PITPNC1: variants seen among roughly 807,000 people sequenced by gnomAD.
PITPNC1 encodes phosphatidylinositol transfer protein cytoplasmic 1.
Under a neutral mutation model 44.7 loss-of-function variants are expected in PITPNC1, and 18 were observed. The observed-to-expected ratio is 0.40, with a 90% CI of 0.28 to 0.60. The LOEUF is 0.60. Among genes scored for constraint, PITPNC1 ranks in the 20% least tolerant of loss-of-function variants. The probability of loss-of-function intolerance (pLI) is 0.39; values close to 1 mark genes in which losing one functional copy is unlikely to be tolerated. For missense variants in PITPNC1, 290 were observed against 418.4 expected (o/e 0.69, Z 2.68); for synonymous variants, 141 against 149.6 (o/e 0.94, Z 0.42).
intron 1 of PITPNC1, among the ~76,000 whole-genome samples, chr17:67,450,265 CAATT>C (rs2039156495): frequency 1.3e-5 from 2 of 151,898 alleles, no homozygotes; most frequent in African/African-American, 4.8e-5. Flanking sequence ...CAATTGCTAT[CAATT>C]AGAGACAGTT....
At chr17:67,447,365 C>G in intron 1 of PITPNC1, among the ~76,000 whole-genome samples, 1 of 151,858 alleles carries the variant, frequency 6.6e-6, no homozygotes, top group Non-Finnish European at 1.5e-5. Flanking sequence ...CAGTGGTTCT[C>G]CTGTCCAGCC....
intron 8 of PITPNC1, among the ~76,000 whole-genome samples, chr17:67,684,690 C>G (rs993950485): frequency 6.6e-6 from 1 of 152,012 alleles, no homozygotes; most frequent in African/African-American, 2.4e-5. Flanking sequence ...GGATATCTCT[C>G]TAGGATTAAC....
rs1244869129 is a variant in PITPNC1, at chr17:67,631,671, T to TAA, written c.367-469_367-468dup. Among the ~76,000 whole-genome samples the TAA allele has an allele frequency of 9.8e-4, 68 of 69,642 alleles. 1 individual carries two copies. Among genetic ancestry groups the TAA allele is most frequent in the Middle Eastern group, 7.1e-3 (1 of 140 alleles). 45.7% of individuals were successfully genotyped at this position (69,642 alleles called of 152,430 possible). On this transcript the variant is annotated intron_variant, in intron 5 of 8. Transcript: ENST00000581322. ...AAAAAAAAAAAAATATATATATATA[T>TAA]AAAATATATATTTTTAACATATATA... is the stretch of plus-strand genomic sequence containing the variant.
intron 1 of PITPNC1, among the ~76,000 whole-genome samples, chr17:67,443,926 C>T (rs1036614517): frequency 2.0e-5 from 3 of 152,010 alleles, no homozygotes; most frequent in Non-Finnish European, 4.4e-5. Flanking sequence ...TGAGTCACTG[C>T]GCCCGGCCGA....
At chr17:67,494,632 GT>G (rs1315922487) in intron 1 of PITPNC1, among the ~76,000 whole-genome samples, 4 of 152,216 alleles carry the variant, frequency 2.6e-5, no homozygotes, top group African/African-American at 9.6e-5. Context: ...GATAGTACAG[GT>G]CCCAGAGTGC....
At chr17:67,447,948 C>T (rs1215572550) in intron 1 of PITPNC1, among the ~76,000 whole-genome samples, 1 of 151,152 alleles carries the variant, frequency 6.6e-6, no homozygotes, top group Non-Finnish European at 1.5e-5. Flanking sequence ...TTCCTTCCTT[C>T]CTTCTTTCTT....
At chr17:67,407,175 A>T (rs1043829864) in intron 1 of PITPNC1, among the ~76,000 whole-genome samples, 1 of 152,128 alleles carries the variant, frequency 6.6e-6, no homozygotes, top group Non-Finnish European at 1.5e-5. Flanking sequence ...CCAGCACTGT[A>T]CTTTCTGTCT....
intron 1 of PITPNC1, among the ~76,000 whole-genome samples, chr17:67,506,121 A>G (rs2040098025): frequency 6.6e-6 from 1 of 151,996 alleles, no homozygotes; most frequent in South Asian, 2.1e-4. Flanking sequence ...GGCTGGCGAG[A>G]TATTACCTAG....
intron 5 of PITPNC1, among the ~76,000 whole-genome samples, chr17:67,599,034 A>ATATATATATATATATATATT (rs1461493250): frequency 8.4e-5 from 3 of 35,676 alleles, no homozygotes; most frequent in Admixed American, 3.9e-4. Flanking sequence ...ATATATATAT[A>ATATATATATATATATATATT]TTTTTTTTTT....
intron 1 of PITPNC1, among the ~76,000 whole-genome samples, chr17:67,429,790 T>C (rs540854363): frequency 1.3e-5 from 2 of 152,344 alleles, no homozygotes; most frequent in South Asian, 4.1e-4. Context: ...AATTTTATGA[T>C]TTGAGAGAAT....
chr17:67,513,241 G>A (rs372137821), intron 1 of PITPNC1, among the ~76,000 whole-genome samples: 1 of 151,760 alleles, frequency 6.6e-6, no homozygotes, highest in Non-Finnish European at 1.5e-5. Context: ...GCGGGCGACT[G>A]TAATCCCAGC....
At chr17:67,558,934 A>G (rs1182084122) in intron 4 of PITPNC1, among the ~76,000 whole-genome samples, 1 of 152,204 alleles carries the variant, frequency 6.6e-6, no homozygotes, top group African/African-American at 2.4e-5. Flanking sequence ...AAGGCTGCTC[A>G]CAGCTGAGAG....
intron 1 of PITPNC1, among the ~76,000 whole-genome samples, chr17:67,464,021 T>C (rs35080506): frequency 0.43 from 64,711 of 151,834 alleles, 14,406 homozygotes; most frequent in African/African-American, 0.56. Flanking sequence ...CAGTGAAACC[T>C]CATCTGTACT....
intron 6 of PITPNC1, among the ~76,000 whole-genome samples, chr17:67,668,815 TC>T (rs903873080): frequency 2.3e-4 from 28 of 120,198 alleles, no homozygotes; most frequent in African/African-American, 8.0e-4. Context: ...TGAGCCGAGA[TC>T]GCACCACTGC....
At chr17:67,477,403 C>T (rs141517438) in intron 1 of PITPNC1, among the ~76,000 whole-genome samples, 1 of 152,034 alleles carries the variant, frequency 6.6e-6, no homozygotes, top group African/African-American at 2.4e-5. Flanking sequence ...TATGCCACTA[C>T]ACCAGCTGAT....
At chr17:67,495,508 C>T (rs77160682) in intron 1 of PITPNC1, among the ~76,000 whole-genome samples, 19,184 of 152,048 alleles carry the variant, frequency 0.13, 1,469 homozygotes, top group African/African-American at 0.22. Context: ...CCAGTAGATA[C>T]GTTTTCTGAT....
At position 67,377,891 on chromosome 17, in the gene PITPNC1, C is replaced by G. The variant is rs995752306; in HGVS notation, c.-264C>G. On this transcript the variant is annotated 5_prime_UTR_variant, in exon 1 of 9. Coordinates refer to ENST00000581322, the MANE Select transcript of PITPNC1 (RefSeq NM_012417.4). The stretch of plus-strand genomic sequence containing the variant: ...CCCCAGCGGGTCTCCCTCCCTGCCT[C>G]CCTGACTTTGCAACACCGCGTTCCG... 2.5e-6 allele frequency: 1 copy of G among 396,326 alleles called. No homozygotes were observed. The highest frequency in any genetic ancestry group is 4.1e-5 in the East Asian group (1 of 24,528). 24.6% of individuals were successfully genotyped at this position (396,326 alleles called of 1,614,324 possible). A position where few individuals can be genotyped will look rare whatever the true frequency, so the allele number is the denominator to read the frequency against.
chr17:67,598,808 G>C (rs1021438858), intron 5 of PITPNC1, among the ~76,000 whole-genome samples: 3 of 151,342 alleles, frequency 2.0e-5, no homozygotes, highest in Non-Finnish European at 4.4e-5. Context: ...CAGGAGAATT[G>C]CTTGAACCTG....
At chr17:67,424,215 C>G (rs1258639923) in intron 1 of PITPNC1, among the ~76,000 whole-genome samples, 1 of 151,742 alleles carries the variant, frequency 6.6e-6, no homozygotes, top group Admixed American at 6.6e-5. Flanking sequence ...AAAGGACTTT[C>G]AAGGTGGAGG....
Sources: gnomAD v4.1 joint callset for allele counts (sites outside exome capture counted in the v4.1 genomes callset) on GRCh38, gnomAD v4.1.1 for gene constraint, MANE v1.5 for transcripts, NCBI Gene and HGNC (gene_info 2026-07-23, HGNC 2026-07-21) for gene names.